The following MTA3 variants were observed in gnomAD, a reference collection of about 807,000 sequenced individuals.
The protein encoded by MTA3 is metastasis-associated protein MTA3.
In MTA3, 34 loss-of-function variants were observed where a neutral mutation model predicts 83.5. That is an observed-to-expected ratio of 0.41 (90% confidence interval 0.31 to 0.54). The LOEUF (loss-of-function observed/expected upper bound fraction) is 0.54. Among genes scored for constraint, MTA3 ranks in the 20% least tolerant of loss-of-function variants. MTA3 has a pLI of 0.33. For synonymous variants in MTA3, 303 were observed against 252.7 expected (o/e 1.20, Z -1.89); for missense variants, 761 against 726.4 (o/e 1.05, Z -0.55).
At chr2:42,542,728 T>C (rs1676579685) in intron 2 of MTA3, among the ~76,000 whole-genome samples, 1 of 151,788 alleles carries the variant, frequency 6.6e-6, no homozygotes, top group East Asian at 1.9e-4. Flanking sequence ...ATTTTTTTTT[T>C]GTATTTTTAG....
At position 42,738,135 on chromosome 2, in the gene MTA3, G is replaced by C. The variant is rs373960304; in HGVS notation, c.1759+15100G>C. Among the ~76,000 whole-genome samples, 22 of 152,254 alleles carry C rather than the reference G, an allele frequency of 1.4e-4. No homozygotes were observed. The East Asian group carries it at 4.1e-3, about 28-fold the overall frequency. Reference sequence around the variant, plus strand: ...AAATTAGCTGATCATGGTGGCATGTGCCTGTAGTCCCAGCTACTCGGGAGG... The same window carrying C: ...AAATTAGCTGATCATGGTGGCATGTCCCTGTAGTCCCAGCTACTCGGGAGG... On this transcript the variant is annotated intron_variant, in intron 16 of 16. Transcript: ENST00000405094.
chr2:42,638,351 A>G (rs1479880043), intron 4 of MTA3, among the ~76,000 whole-genome samples: 3 of 151,986 alleles, frequency 2.0e-5, no homozygotes, highest in South Asian at 2.1e-4. Context: ...CCTAGTTGCA[A>G]TTCTGTCCGT....
At chr2:42,561,107 C>T (rs1441431003) in intron 2 of MTA3, among the ~76,000 whole-genome samples, 2 of 152,124 alleles carry the variant, frequency 1.3e-5, no homozygotes, top group Non-Finnish European at 2.9e-5. Context: ...CAGGCTGCTT[C>T]CTGATGTGGG....
chr2:42,636,962 A>G (rs1265724064), intron 4 of MTA3, among the ~76,000 whole-genome samples: 2 of 152,166 alleles, frequency 1.3e-5, no homozygotes, highest in Admixed American at 6.5e-5. Context: ...CTAGCTTTAG[A>G]TAAAAGAAAT....
At chr2:42,537,074 G>T (rs1558421253) in intron 2 of MTA3, among the ~76,000 whole-genome samples, 1 of 152,098 alleles carries the variant, frequency 6.6e-6, no homozygotes, top group Non-Finnish European at 1.5e-5. Context: ...TTAACCCTTA[G>T]TGTAAGCCCC....
chr2:42,587,420 C>G (rs1218513062), intron 3 of MTA3, among the ~76,000 whole-genome samples: 3 of 152,124 alleles, frequency 2.0e-5, no homozygotes, highest in Admixed American at 6.5e-5. Flanking sequence ...TTCTCCCCGA[C>G]AAGTCATTAT....
chr2:42,630,000 TC>T (rs1686516709), intron 4 of MTA3, among the ~76,000 whole-genome samples: 1 of 152,116 alleles, frequency 6.6e-6, no homozygotes, highest in African/African-American at 2.4e-5. Flanking sequence ...CAGGGTGGTC[TC>T]CTGACCTCAA....
At position 42,626,433 on chromosome 2, in the gene MTA3, C is replaced by T. The variant is rs144210150; in HGVS notation, c.318-13740C>T. Among the ~76,000 whole-genome samples, 201 of 150,544 alleles carry T rather than the reference C, an allele frequency of 1.3e-3. 5 individuals carry two copies. The highest frequency in any genetic ancestry group is 4.8e-3 in the African/African-American group (194 of 40,146). ...CTGCCTCCGCCTCCAGGGTAGCTGG[C>T]ATTAAAGGCACCCACCACCATGCCC... is the stretch of plus-strand genomic sequence containing the variant. On this transcript the variant is annotated intron_variant, in intron 4 of 16. Coordinates refer to ENST00000405094, the MANE Select transcript of MTA3 (RefSeq NM_001330442.2).
intron 2 of MTA3, among the ~76,000 whole-genome samples, chr2:42,539,444 G>T (rs866810645): frequency 6.6e-6 from 1 of 152,028 alleles, no homozygotes; most frequent in African/African-American, 2.4e-5. Context: ...CACGAGAATA[G>T]CATGGGGGAA....
At chr2:42,540,702 G>A (rs535813007) in intron 2 of MTA3, among the ~76,000 whole-genome samples, 201 of 151,634 alleles carry the variant, frequency 1.3e-3, no homozygotes, top group African/African-American at 4.5e-3. Context: ...AGGCATGGTG[G>A]TGCATGCCTG....
At chr2:42,628,782 T>C (rs1478236180) in intron 4 of MTA3, among the ~76,000 whole-genome samples, 1 of 152,022 alleles carries the variant, frequency 6.6e-6, no homozygotes, top group Non-Finnish European at 1.5e-5. Flanking sequence ...CTTTTTTTTT[T>C]TTTTTTTGGT....
In MTA3 at chr2:42,697,807, A is replaced by T; in HGVS notation, c.998A>T (p.Lys333Ile). 1 of 1,544,998 alleles carries T rather than the reference A, an allele frequency of 6.5e-7. No individual in the cohort carries two copies. ...KRLKAAEAES[K>I]LKQVYIPTYS... ...CTAAAAGCAGCAGAAGCTGAGAGTA[A>T]ACTGAAACAAGTATATATCCCAACC... Residue 333 changes from lysine to isoleucine, a missense_variant, in exon 11 of 17, where the codon AAA (lysine) becomes ATA (isoleucine). Transcript: ENST00000405094.
At chr2:42,532,850 C>G (rs1370674333) in intron 2 of MTA3, 9 of 382,248 alleles carry the variant, frequency 2.4e-5, no homozygotes, top group Non-Finnish European at 4.6e-5. Flanking sequence ...GTGGAGCTGG[C>G]TGGCACTTCA....
intron 3 of MTA3, among the ~76,000 whole-genome samples, chr2:42,589,610 T>A (rs977291729): frequency 6.6e-6 from 1 of 152,190 alleles, no homozygotes; most frequent in Non-Finnish European, 1.5e-5. Flanking sequence ...TGGCGTGCAG[T>A]GGTGCCATCT....
intron 2 of MTA3, among the ~76,000 whole-genome samples, chr2:42,506,017 G>A (rs549692949): frequency 3.0e-4 from 45 of 151,886 alleles, no homozygotes; most frequent in African/African-American, 7.0e-4. Flanking sequence ...TGCCCGCCCC[G>A]GCCTCCCAAA....
chr2:42,514,736 G>A (rs992955365), intron 2 of MTA3, among the ~76,000 whole-genome samples: 1 of 122,584 alleles, frequency 8.2e-6, no homozygotes, highest in Non-Finnish European at 1.6e-5. Context: ...TGTCCAGGCT[G>A]GAGTACAGCA....
chr2:42,547,989 T>C (rs1676836796), intron 2 of MTA3, among the ~76,000 whole-genome samples: 1 of 152,228 alleles, frequency 6.6e-6, no homozygotes, highest in African/African-American at 2.4e-5. Context: ...TAAGGCCATA[T>C]TTAGTTAGCT....
intron 3 of MTA3, among the ~76,000 whole-genome samples, chr2:42,603,129 G>A (rs1350859006): frequency 6.7e-6 from 1 of 148,604 alleles, no homozygotes; most frequent in African/African-American, 2.5e-5. Context: ...TTTTTTTGCT[G>A]GGGGTAGGGT....
chr2:42,639,316 A>G (rs1470837883), intron 4 of MTA3, among the ~76,000 whole-genome samples: 8 of 152,094 alleles, frequency 5.3e-5, no homozygotes, highest in African/African-American at 1.2e-4. Context: ...TAGAAAATCA[A>G]ATGATCTTAC....
Sources: gnomAD v4.1 joint callset for allele counts (sites outside exome capture counted in the v4.1 genomes callset) on GRCh38, gnomAD v4.1.1 for gene constraint, MANE v1.5 for transcripts, NCBI Gene and HGNC (gene_info 2026-07-23, HGNC 2026-07-21) for gene names.